The following TTLL13 variants were observed in gnomAD, a reference collection of about 807,000 sequenced individuals.
TTLL13 encodes tubulin polyglutamylase TTLL13.
At chr15:90,264,963 G>A in the TTLL13 span, 1 of 1,534,324 alleles carries the variant, frequency 6.5e-7, no homozygotes. Flanking sequence ...AATCAGTTCA[G>A]GTAAAAGCAG....
At chr15:90,262,832 T>C in the TTLL13 span, 1 of 1,243,852 alleles carries the variant, frequency 8.0e-7, no homozygotes, top group Non-Finnish European at 1.1e-6. Flanking sequence ...AGTGAGAGAA[T>C]GGACAGCAAA....
At chr15:90,250,589 T>C in the TTLL13 span, 4 of 1,593,946 alleles carry the variant, frequency 2.5e-6, no homozygotes, top group Non-Finnish European at 3.4e-6. Context: ...AGGTCTGATA[T>C]ACACTTCATT....
the TTLL13 span, chr15:90,253,457 T>C: frequency 4.8e-6 from 4 of 831,950 alleles, no homozygotes; most frequent in South Asian, 8.5e-5. Flanking sequence ...AGACTGCTAC[T>C]CTTTGTGGCT....
chr15:90,253,935 T>C, the TTLL13 span, among the ~76,000 whole-genome samples: 2 of 152,020 alleles, frequency 1.3e-5, no homozygotes, highest in African/African-American at 4.8e-5. Flanking sequence ...AGGCAGGAAG[T>C]TGAGGAAATT....
At chr15:90,261,863 G>A in the TTLL13 span, 1 of 608,760 alleles carries the variant, frequency 1.6e-6, no homozygotes, top group African/African-American at 1.9e-5. Context: ...GCCAAAGATG[G>A]GCTTGGCAGC....
the TTLL13 span, among the ~76,000 whole-genome samples, chr15:90,259,440 C>T: frequency 6.6e-6 from 1 of 151,898 alleles, no homozygotes; most frequent in African/African-American, 2.4e-5. Flanking sequence ...TTTAAAAATA[C>T]AGAGGGTAGT....
At chr15:90,253,185 T>C in the TTLL13 span, 1 of 1,399,140 alleles carries the variant, frequency 7.1e-7, no homozygotes, top group African/African-American at 1.4e-5. Flanking sequence ...CTGACCCAGC[T>C]ACACAGTTCC....
the TTLL13 span, chr15:90,258,475 G>A: frequency 3.2e-6 from 2 of 626,444 alleles, no homozygotes; most frequent in African/African-American, 3.7e-5. Context: ...CTCTACCGTA[G>A]GAATGCAGGT....
chr15:90,257,280 T>A, the TTLL13 span: 1 of 1,609,938 alleles, frequency 6.2e-7, no homozygotes, highest in Non-Finnish European at 8.5e-7. Context: ...CATAACAACC[T>A]GGTAAGGGGA....
chr15:90,260,741 C>T, the TTLL13 span, among the ~76,000 whole-genome samples: 9 of 151,390 alleles, frequency 5.9e-5, no homozygotes, highest in African/African-American at 2.2e-4. Context: ...ATCCCAGCTA[C>T]TCAGGAGGCT....
At chr15:90,256,288 C>T in the TTLL13 span, 2 of 1,614,184 alleles carry the variant, frequency 1.2e-6, no homozygotes, top group East Asian at 4.5e-5. Context: ...GCCAGCAATA[C>T]ATCTCCAAGG....
chr15:90,262,436 C>G, the TTLL13 span: 2 of 1,429,102 alleles, frequency 1.4e-6, no homozygotes, highest in African/African-American at 2.9e-5. Context: ...TTTTTCCTCA[C>G]CCCTCTTCTC....
the TTLL13 span, chr15:90,256,247 C>T: frequency 9.9e-6 from 16 of 1,614,042 alleles, no homozygotes; most frequent in Middle Eastern, 1.6e-4. Context: ...CCGAAATCCC[C>T]GGGAGATCAA....
the TTLL13 span, among the ~76,000 whole-genome samples, chr15:90,251,114 C>CTTTTTT: frequency 2.9e-5 from 3 of 104,666 alleles, no homozygotes; most frequent in Non-Finnish European, 5.5e-5. Context: ...CCTGGTCTGT[C>CTTTTTT]TTTTTTTTTT....
the TTLL13 span, among the ~76,000 whole-genome samples, chr15:90,252,815 C>T: frequency 6.6e-6 from 1 of 152,036 alleles, no homozygotes; most frequent in African/African-American, 2.4e-5. Flanking sequence ...CCAGACTGGC[C>T]AACATGGTAA....
the TTLL13 span, chr15:90,263,261 G>C: frequency 1.0e-6 from 1 of 957,282 alleles, no homozygotes; most frequent in Non-Finnish European, 1.5e-6. Context: ...GTGGAGCCTG[G>C]GAAAGCAGAG....
the TTLL13 span, chr15:90,255,985 A>C: frequency 6.3e-7 from 1 of 1,582,106 alleles, no homozygotes; most frequent in Non-Finnish European, 8.6e-7. Flanking sequence ...AGAGGGATGG[A>C]AGTGGAATGA....
the TTLL13 span, chr15:90,257,200 C>A: frequency 1.2e-6 from 2 of 1,613,904 alleles, no homozygotes; most frequent in Non-Finnish European, 1.7e-6. Flanking sequence ...CATCCTGTGA[C>A]CCTCTCCGGA....
the TTLL13 span, chr15:90,262,479 T>C: frequency 6.8e-7 from 1 of 1,470,280 alleles, no homozygotes; most frequent in Non-Finnish European, 8.9e-7. Context: ...CTGAAGCTGC[T>C]GTGTCTTGTC....
Sources: allele counts gnomAD v4.1 joint callset (sites outside exome capture counted in the v4.1 genomes callset), GRCh38; gene constraint gnomAD v4.1.1; transcripts MANE v1.5; gene names NCBI Gene and HGNC (gene_info 2026-07-23, HGNC 2026-07-21).